The following DOCK11 variants were observed in gnomAD, a reference collection of about 807,000 sequenced individuals.
DOCK11 encodes dedicator of cytokinesis 11.
Under a neutral mutation model 169.1 loss-of-function variants are expected in DOCK11, and 70 were observed. That is an observed-to-expected ratio of 0.41 (90% confidence interval 0.34 to 0.51). The LOEUF (loss-of-function observed/expected upper bound fraction) is 0.51, where lower values mean the gene tolerates loss of function less well. Among genes scored for constraint, DOCK11 ranks in the 20% least tolerant of loss-of-function variants. The pLI, the probability that DOCK11 is intolerant of heterozygous loss-of-function variation, is 0.10. For missense variants in DOCK11, 1,166 were observed against 1,538.8 expected (o/e 0.76, Z 4.05); for synonymous variants, 529 against 541.3 (o/e 0.98, Z 0.32).
intron 32 of DOCK11, among the ~76,000 whole-genome samples, chrX:118,627,215 A>G (rs1269325462): frequency 9.0e-6 from 1 of 111,523 alleles, no homozygotes; most frequent in East Asian, 2.8e-4. Flanking sequence ...ACTACACAGC[A>G]AGACCCTGTC....
intron 6 of DOCK11, among the ~76,000 whole-genome samples, chrX:118,546,756 G>A (rs1292890067): frequency 1.8e-5 from 2 of 111,364 alleles, no homozygotes; most frequent in Admixed American, 9.6e-5. Flanking sequence ...TTGGGAGGCC[G>A]AGGTGGGTGG....
chrX:118,682,412 T>C (rs1196282714), intron 51 of DOCK11, among the ~76,000 whole-genome samples: 5 of 111,803 alleles, frequency 4.5e-5, no homozygotes, highest in Non-Finnish European at 9.4e-5. Flanking sequence ...TTTGTTTACT[T>C]TTCCTGTCTA....
At chrX:118,580,527 G>A (rs764435503) in intron 14 of DOCK11, among the ~76,000 whole-genome samples, 9 of 111,802 alleles carry the variant, frequency 8.0e-5, no homozygotes, top group Non-Finnish European at 1.3e-4. Flanking sequence ...ATGTTAGTCA[G>A]GCTGGTCTCG....
intron 23 of DOCK11, among the ~76,000 whole-genome samples, chrX:118,601,014 CTT>C (rs1397249706): frequency 9.0e-6 from 1 of 111,442 alleles, no homozygotes; most frequent in Non-Finnish European, 1.9e-5. Context: ...CATGATGTGA[CTT>C]TGGTTTTTAA....
chrX:118,575,565 T>C (rs910107550), intron 12 of DOCK11, among the ~76,000 whole-genome samples: 6 of 112,000 alleles, frequency 5.4e-5, no homozygotes, highest in Non-Finnish European at 9.4e-5. Context: ...TTACATGGAC[T>C]GTCACTGTCT....
At chrX:118,535,897 T>C (rs1236096912) in intron 1 of DOCK11, among the ~76,000 whole-genome samples, 8 of 111,864 alleles carry the variant, frequency 7.2e-5, no homozygotes, top group Non-Finnish European at 3.8e-5. Flanking sequence ...CCTTCAGTAA[T>C]TGGAGTTCCT....
At chrX:118,680,796 T>C in intron 49 of DOCK11, 104 bp downstream of exon 49, 2 of 722,389 alleles carry the variant, frequency 2.8e-6, no homozygotes, top group South Asian at 6.2e-5. Flanking sequence ...TTTTAATTAT[T>C]ATTTGTTCTG....
At chrX:118,526,102 G>T (rs750054729) in intron 1 of DOCK11, among the ~76,000 whole-genome samples, 10 of 111,888 alleles carry the variant, frequency 8.9e-5, no homozygotes, top group Non-Finnish European at 1.5e-4. Context: ...TTAGCAAGGC[G>T]GTAGTTCCCA....
chrX:118,606,306 C>T (rs1458086535), intron 24 of DOCK11, among the ~76,000 whole-genome samples: 15 of 111,234 alleles, frequency 1.3e-4, no homozygotes, highest in Admixed American at 5.7e-4. Context: ...TGATCTCAGG[C>T]GATCCATCCG....
chrX:118,638,424 G>A (rs2015445768), intron 37 of DOCK11, among the ~76,000 whole-genome samples: 1 of 111,949 alleles, frequency 8.9e-6, no homozygotes, highest in Admixed American at 9.5e-5. Context: ...ATAAAGTGAG[G>A]ACAACTGTAA....
At chrX:118,634,445 C>A (rs757278253) in intron 35 of DOCK11, among the ~76,000 whole-genome samples, 1 of 112,642 alleles carries the variant, frequency 8.9e-6, no homozygotes, top group Admixed American at 9.4e-5. Flanking sequence ...TTTCACAGAC[C>A]TTCTCCGAAG....
Position 118,565,994 on chromosome X carries a change from C to T in DOCK11, c.694-11C>T. ...TAAACTAACTGAACACATACTTTTT[C>T]TCCCCTCTAGTGCCCCAAAATGCGC... is the stretch of plus-strand genomic sequence containing the variant. On this transcript the variant is annotated splice_polypyrimidine_tract_variant and intron_variant, in intron 7 of 52. Transcript: ENST00000276202. The T allele has an allele frequency of 1.7e-6, 2 of 1,203,984 alleles. No individual in the cohort carries two copies. Among genetic ancestry groups the T allele is most frequent in the East Asian group, 5.9e-5 (2 of 33,791 alleles).
At chrX:118,658,346 C>T (rs1227669168) in intron 44 of DOCK11, among the ~76,000 whole-genome samples, 2 of 112,455 alleles carry the variant, frequency 1.8e-5, no homozygotes, top group Non-Finnish European at 3.8e-5. Flanking sequence ...AAATACTACT[C>T]ATCAGTTGAC....
At position 118,639,568 on chromosome X, in the gene DOCK11, C is replaced by T; in HGVS notation, c.4135C>T (p.Leu1379Phe). 2.5e-6 allele frequency: 3 copies of T among 1,208,835 alleles called. No homozygotes were observed. The highest frequency in any genetic ancestry group is 3.4e-6 in the Non-Finnish European group (3 of 893,635). ...HLSSLESSFTLNHSSTTTEAD... is the reference protein window; with the variant it reads ...HLSSLESSFTFNHSSTTTEAD... ...TAGTAGCCTAGAAAGTTCATTTACA[C>T]TTAATCACAGTAAGTGAAAATGTGT... The change falls in exon 38 of 53, where the codon CTT (leucine) becomes TTT (phenylalanine). Residue 1379 changes from leucine to phenylalanine, a missense_variant. By Grantham distance (22) the Leu-to-Phe change is conservative. Coordinates refer to ENST00000276202, the MANE Select transcript of DOCK11 (RefSeq NM_144658.4).
At chrX:118,616,281 T>C in intron 30 of DOCK11, 1 of 880,924 alleles carries the variant, frequency 1.1e-6, no homozygotes, top group Non-Finnish European at 1.5e-6. Flanking sequence ...CTTGCTGTTT[T>C]AGAAAACAAT....
At chrX:118,682,414 T>G (rs2016767584) in intron 51 of DOCK11, among the ~76,000 whole-genome samples, 1 of 111,839 alleles carries the variant, frequency 8.9e-6, no homozygotes, top group African/African-American at 3.2e-5. Context: ...TGTTTACTTT[T>G]CCTGTCTATG....
intron 14 of DOCK11, among the ~76,000 whole-genome samples, chrX:118,582,127 C>T (rs763242283): frequency 9.1e-6 from 1 of 110,443 alleles, no homozygotes; most frequent in South Asian, 3.8e-4. Flanking sequence ...GACTCTGTCT[C>T]GGGGAAAAAA....
At chrX:118,534,723 G>C (rs773845051) in intron 1 of DOCK11, among the ~76,000 whole-genome samples, 1 of 111,893 alleles carries the variant, frequency 8.9e-6, no homozygotes, top group Non-Finnish European at 1.9e-5. Context: ...GAAGGCATAC[G>C]TGTAAGAGCA....
chrX:118,570,290 C>T (rs1184018766), intron 10 of DOCK11, among the ~76,000 whole-genome samples: 1 of 112,215 alleles, frequency 8.9e-6, no homozygotes, highest in Admixed American at 9.4e-5. Context: ...AACATTTGTA[C>T]TCACAGGCCT....
Sources: allele counts gnomAD v4.1 joint callset (sites outside exome capture counted in the v4.1 genomes callset), GRCh38; gene constraint gnomAD v4.1.1; transcripts MANE v1.5; gene names NCBI Gene and HGNC (gene_info 2026-07-23, HGNC 2026-07-21).